The following CRY1 variants were observed in gnomAD, a reference collection of about 807,000 sequenced individuals.
CRY1 encodes cryptochrome-1.
Under a neutral mutation model 76.0 loss-of-function variants are expected in CRY1, and 45 were observed. The ratio of observed to expected loss-of-function variants is 0.59; its 90% CI spans 0.47 to 0.76. CRY1 has a LOEUF of 0.76. Among genes scored for constraint, CRY1 ranks in the 30% least tolerant of loss-of-function variants. The probability of loss-of-function intolerance (pLI) is 0.00; values close to 1 mark genes in which losing one functional copy is unlikely to be tolerated. For synonymous variants in CRY1, 248 were observed against 244.0 expected (o/e 1.02, Z -0.15); for missense variants, 587 against 716.4 (o/e 0.82, Z 2.06).
chr12:107,086,277 C>CA (rs1174022975), intron 1 of CRY1, among the ~76,000 whole-genome samples: 1 of 152,036 alleles, frequency 6.6e-6, no homozygotes, highest in Admixed American at 6.6e-5. Context: ...ACAGAGCATA[C>CA]AAATTTGAAA....
intron 7 of CRY1, 23 bp downstream of exon 7, chr12:106,999,528 G>A (rs373262852): frequency 7.6e-6 from 12 of 1,572,228 alleles, no homozygotes; most frequent in Non-Finnish European, 1.0e-5. Flanking sequence ...AATAAGGCAT[G>A]CTATATCAGT....
At chr12:107,054,772 T>C (rs1300820851) in intron 1 of CRY1, among the ~76,000 whole-genome samples, 1 of 152,002 alleles carries the variant, frequency 6.6e-6, no homozygotes, top group Non-Finnish European at 1.5e-5. Flanking sequence ...ACGTTCATAA[T>C]GACTTTAACC....
intron 2 of CRY1, among the ~76,000 whole-genome samples, chr12:107,011,671 G>A (rs1011641158): frequency 4.6e-5 from 7 of 152,232 alleles, no homozygotes; most frequent in Non-Finnish European, 1.0e-4. Flanking sequence ...AGGAAAGTTG[G>A]AAGCTAGCAG....
At chr12:107,086,073 A>T (rs1054870816) in intron 1 of CRY1, among the ~76,000 whole-genome samples, 2 of 152,190 alleles carry the variant, frequency 1.3e-5, no homozygotes, top group African/African-American at 4.8e-5. Context: ...TTAACAAAAA[A>T]CTTGGCTACA....
At chr12:107,056,767 AGAG>A (rs1952987987) in intron 1 of CRY1, among the ~76,000 whole-genome samples, 1 of 152,204 alleles carries the variant, frequency 6.6e-6, no homozygotes, top group Non-Finnish European at 1.5e-5. Flanking sequence ...CAAAGCAGCT[AGAG>A]GATAGGAGTA....
chr12:107,002,757 G>A (rs2136824532), intron 3 of CRY1, among the ~76,000 whole-genome samples: 1 of 152,302 alleles, frequency 6.6e-6, no homozygotes, highest in African/African-American at 2.4e-5. Flanking sequence ...GACCCTGTGG[G>A]AGGTAACTGA....
intron 2 of CRY1, among the ~76,000 whole-genome samples, chr12:107,006,019 T>C (rs1043242598): frequency 6.6e-6 from 1 of 152,154 alleles, no homozygotes; most frequent in African/African-American, 2.4e-5. Context: ...TAACTGCCTA[T>C]ATGGTAACAT....
rs554184970 is a variant in CRY1, at chr12:107,007,122, G to A, written c.268-1874C>T. ...CTTTTACATTCTGCTGCATTGCTCA[G>A]ATTTGTTAGTACGAACTTGCTATTT... On this transcript the variant is annotated intron_variant, in intron 2 of 12. Transcript: ENST00000008527. Among the ~76,000 whole-genome samples the A allele has an allele frequency of 2.2e-4, 34 of 152,300 alleles. No individual in the cohort carries two copies. In the South Asian group the frequency reaches 5.8e-3, roughly 26 times the overall value.
intron 2 of CRY1, among the ~76,000 whole-genome samples, chr12:107,009,406 G>A (rs1193880176): frequency 2.0e-5 from 3 of 151,690 alleles, no homozygotes; most frequent in African/African-American, 7.3e-5. Flanking sequence ...AGACGTGGTG[G>A]TGGGTGCCTG....
At chr12:107,075,582 C>A (rs188984278) in intron 1 of CRY1, among the ~76,000 whole-genome samples, 2 of 152,260 alleles carry the variant, frequency 1.3e-5, no homozygotes, top group Admixed American at 1.3e-4. Flanking sequence ...GAAATTCCAT[C>A]AGCAAAATCA....
intron 1 of CRY1, among the ~76,000 whole-genome samples, chr12:107,036,306 T>C (rs932186620): frequency 5.9e-5 from 9 of 152,248 alleles, no homozygotes; most frequent in African/African-American, 1.2e-4. Context: ...CTTTCTTTCA[T>C]AGTCCACATC....
At chr12:107,006,865 T>A (rs907870050) in intron 2 of CRY1, among the ~76,000 whole-genome samples, 1 of 152,142 alleles carries the variant, frequency 6.6e-6, no homozygotes, top group Non-Finnish European at 1.5e-5. Context: ...TTGGCCAGGC[T>A]GGTCTCAAAT....
At position 106,993,048 on chromosome 12, in the gene CRY1, T is replaced by G; in HGVS notation, c.1586-12A>C. ...CCCTTGAGAGCAACCTGTTAGTATT[T>G]AAAACACAGTAAAATTACTTAAAAT... On this transcript the variant is annotated splice_polypyrimidine_tract_variant and intron_variant, in intron 10 of 12. Transcript: ENST00000008527. 6.2e-7 allele frequency: 1 copy of G among 1,612,456 alleles called. No homozygotes were observed. Among genetic ancestry groups the G allele is most frequent in the Non-Finnish European group, 8.5e-7 (1 of 1,178,676 alleles).
intron 2 of CRY1, among the ~76,000 whole-genome samples, chr12:107,010,671 T>TG (rs1391871464): frequency 6.6e-6 from 1 of 152,130 alleles, no homozygotes; most frequent in African/African-American, 2.4e-5. Flanking sequence ...CTTGAACTCC[T>TG]GGCCTCAAGT....
intron 3 of CRY1, among the ~76,000 whole-genome samples, chr12:107,004,227 T>C (rs1952345187): frequency 6.6e-6 from 1 of 152,206 alleles, no homozygotes; most frequent in Non-Finnish European, 1.5e-5. Flanking sequence ...AAGGCAAGAT[T>C]ATTATTAAAA....
chr12:106,993,314 G>C (rs577350179), intron 10 of CRY1, among the ~76,000 whole-genome samples: 1 of 151,878 alleles, frequency 6.6e-6, no homozygotes, highest in East Asian at 1.9e-4. Context: ...ACTTGACCAT[G>C]AAGGTAAAAC....
At chr12:107,001,683 G>T in intron 4 of CRY1, 81 bp downstream of exon 4, 1 of 1,277,534 alleles carries the variant, frequency 7.8e-7, no homozygotes, top group Non-Finnish European at 1.1e-6. Flanking sequence ...ACTTTACATG[G>T]CAAAATTAAA....
intron 1 of CRY1, among the ~76,000 whole-genome samples, chr12:107,074,307 C>G (rs1415056064): frequency 6.6e-6 from 1 of 152,172 alleles, no homozygotes; most frequent in African/African-American, 2.4e-5. Flanking sequence ...CACTGTAGCA[C>G]AGTAATTTAA....
At chr12:107,046,192 C>T (rs567676071) in intron 1 of CRY1, among the ~76,000 whole-genome samples, 7 of 151,570 alleles carry the variant, frequency 4.6e-5, no homozygotes, top group Non-Finnish European at 7.4e-5. Flanking sequence ...ACTCGGGAGG[C>T]TGAGGCACAA....
Sources: allele counts gnomAD v4.1 joint callset (sites outside exome capture counted in the v4.1 genomes callset), GRCh38; gene constraint gnomAD v4.1.1; transcripts MANE v1.5; gene names NCBI Gene and HGNC (gene_info 2026-07-23, HGNC 2026-07-21).